COL25A1: variants seen among roughly 807,000 people sequenced by gnomAD.
COL25A1 encodes the protein collagen alpha-1(XXV) chain.
Under a neutral mutation model 128.4 loss-of-function variants are expected in COL25A1, and 103 were observed. The ratio of observed to expected loss-of-function variants is 0.80; its 90% confidence interval spans 0.68 to 0.94. The LOEUF (loss-of-function observed/expected upper bound fraction) is 0.94, where lower values mean the gene tolerates loss of function less well. Ranked by LOEUF, COL25A1 falls within the 40% of genes least tolerant of loss-of-function variation. The pLI, the probability that COL25A1 is intolerant of heterozygous loss-of-function variation, is 0.00. For synonymous variants in COL25A1, 279 were observed against 277.2 expected, an observed-to-expected ratio of 1.01 and a Z score of -0.06; for missense variants, 745 against 840.0, an observed-to-expected ratio of 0.89 and a Z score of 1.40.
At chr4:108,945,738 AC>A (rs1361265483) in intron 8 of COL25A1, among the ~76,000 whole-genome samples, 1 of 152,166 alleles carries the variant, frequency 6.6e-6, no homozygotes, top group Non-Finnish European at 1.5e-5. Flanking sequence ...ATCTCGGCTC[AC>A]TGCAACCTCT....
intron 32 of COL25A1, among the ~76,000 whole-genome samples, chr4:108,831,175 C>A (rs1299309922): frequency 1.3e-5 from 2 of 151,304 alleles, no homozygotes; most frequent in Non-Finnish European, 2.9e-5. Flanking sequence ...TTTTTTGCAG[C>A]ATTCAGTATA....
At chr4:109,189,424 T>C (rs569526768) in intron 3 of COL25A1, among the ~76,000 whole-genome samples, 49 of 151,716 alleles carry the variant, frequency 3.2e-4, no homozygotes, top group African/African-American at 1.1e-3. Context: ...GGCATGCACC[T>C]GTAATCCCAG....
intron 13 of COL25A1, among the ~76,000 whole-genome samples, chr4:108,917,875 T>C (rs947123235): frequency 6.6e-6 from 1 of 152,200 alleles, no homozygotes; most frequent in African/African-American, 2.4e-5. Flanking sequence ...TAAACATAAA[T>C]TTTCCCAATT....
intron 5 of COL25A1, among the ~76,000 whole-genome samples, chr4:109,044,092 T>A (rs1365729172): frequency 4.3e-5 from 2 of 45,980 alleles, no homozygotes; most frequent in Non-Finnish European, 7.1e-5. Flanking sequence ...TCTGATAGTG[T>A]GTGTGTGTGT....
intron 3 of COL25A1, among the ~76,000 whole-genome samples, chr4:109,149,945 T>C (rs1001294919): frequency 6.7e-6 from 1 of 149,802 alleles, no homozygotes; most frequent in Non-Finnish European, 1.5e-5. Flanking sequence ...TGTATGTATG[T>C]GTGTGTGTGT....
chr4:108,846,331 A>T, intron 27 of COL25A1, 112 bp from the exon 28 acceptor site: 1 of 725,812 alleles, frequency 1.4e-6, no homozygotes, highest in South Asian at 1.6e-5. Flanking sequence ...TTCAATGTTG[A>T]GATGATTCTG....
At chr4:109,222,203 A>T (rs1302145320) in intron 3 of COL25A1, among the ~76,000 whole-genome samples, 1 of 147,954 alleles carries the variant, frequency 6.8e-6, no homozygotes, top group East Asian at 2.0e-4. Flanking sequence ...AGCTAAGATT[A>T]CAGGCATGTG....
At chr4:108,817,798 C>A (rs1304568689) in intron 36 of COL25A1, among the ~76,000 whole-genome samples, 1 of 151,958 alleles carries the variant, frequency 6.6e-6, no homozygotes. Context: ...TTACGTAAAC[C>A]AAAATAACTT....
chr4:109,294,668 C>A (rs1318950704), intron 3 of COL25A1, among the ~76,000 whole-genome samples: 1 of 152,124 alleles, frequency 6.6e-6, no homozygotes, highest in African/African-American at 2.4e-5. Context: ...TTGACTCATA[C>A]ATTGTTTTCA....
intron 8 of COL25A1, among the ~76,000 whole-genome samples, chr4:108,944,965 G>A (rs561987056): frequency 6.6e-6 from 1 of 152,268 alleles, no homozygotes; most frequent in Non-Finnish European, 1.5e-5. Flanking sequence ...AAAGTAAAAA[G>A]GGGACATGTG....
At chr4:108,893,316 G>A (rs1247208904) in intron 16 of COL25A1, among the ~76,000 whole-genome samples, 3 of 152,190 alleles carry the variant, frequency 2.0e-5, no homozygotes, top group Non-Finnish European at 4.4e-5. Flanking sequence ...CATTTAGTGT[G>A]CAGCACAAAT....
intron 3 of COL25A1, among the ~76,000 whole-genome samples, chr4:109,179,084 C>T (rs1328828559): frequency 6.6e-6 from 1 of 151,982 alleles, no homozygotes; most frequent in Admixed American, 6.5e-5. Flanking sequence ...CAAGTTTCAT[C>T]TGCCACCAGG....
chr4:109,221,038 C>T (rs989085566), intron 3 of COL25A1, among the ~76,000 whole-genome samples: 1 of 151,754 alleles, frequency 6.6e-6, no homozygotes, highest in Non-Finnish European at 1.5e-5. Context: ...GTTTCCCAAC[C>T]CTGCACAATT....
intron 15 of COL25A1, among the ~76,000 whole-genome samples, chr4:108,898,615 G>A (rs1190205473): frequency 6.6e-6 from 1 of 152,082 alleles, no homozygotes; most frequent in East Asian, 1.9e-4. Flanking sequence ...AATTCTTTGT[G>A]GGCAACCTTC....
At chr4:109,014,514 C>T (rs539759865) in intron 5 of COL25A1, among the ~76,000 whole-genome samples, 16 of 152,252 alleles carry the variant, frequency 1.1e-4, no homozygotes, top group East Asian at 9.7e-4. Context: ...ATCTTTAATA[C>T]GTCGCATTCC....
At chr4:109,005,096 C>T (rs71603011) in intron 6 of COL25A1, among the ~76,000 whole-genome samples, 8,991 of 152,216 alleles carry the variant, frequency 0.059, 339 homozygotes, top group Non-Finnish European at 0.086. Context: ...CACAATTCTG[C>T]AGGCTGCACA....
At chr4:109,262,663 A>G (rs1781532080) in intron 3 of COL25A1, among the ~76,000 whole-genome samples, 1 of 152,168 alleles carries the variant, frequency 6.6e-6, no homozygotes, top group Non-Finnish European at 1.5e-5. Flanking sequence ...AATTTCATCC[A>G]CTTTGCAAAA....
intron 3 of COL25A1, among the ~76,000 whole-genome samples, chr4:109,056,235 T>G (rs1761435204): frequency 6.6e-6 from 1 of 152,104 alleles, no homozygotes. Flanking sequence ...TTCTTACACA[T>G]TATTTAACTA....
chr4:108,900,280 C>T (rs2125863611), intron 14 of COL25A1, among the ~76,000 whole-genome samples: 1 of 152,248 alleles, frequency 6.6e-6, no homozygotes, highest in Middle Eastern at 3.4e-3. Context: ...GACAGGAAAA[C>T]AGCTAGAGTC....
Sources: allele counts gnomAD v4.1 joint callset (sites outside exome capture counted in the v4.1 genomes callset), GRCh38; gene constraint gnomAD v4.1.1; transcripts MANE v1.5; gene names NCBI Gene and HGNC (gene_info 2026-07-23, HGNC 2026-07-21).